The following MAP2 variants were observed in gnomAD, a reference collection of about 807,000 sequenced individuals.
The protein encoded by MAP2 is microtubule associated protein 2.
A neutral mutation model predicts 137.6 loss-of-function variants in MAP2; 14 were observed. The observed-to-expected ratio is 0.10, with a 90% confidence interval of 0.07 to 0.16. MAP2 has a LOEUF of 0.16. Among genes scored for constraint, MAP2 ranks in the 10% least tolerant of loss-of-function variants. MAP2 has a pLI of 1.00. For missense variants in MAP2, 2,088 were observed against 2,191.5 expected, an observed-to-expected ratio of 0.95 and a Z score of 0.94; for synonymous variants, 786 against 782.3, an observed-to-expected ratio of 1.00 and a Z score of -0.08.
In MAP2 at chr2:209,731,486, G is replaced by A. The variant is rs1209326557; in HGVS notation, c.*1089G>A. 5 of 152,510 alleles carry A rather than the reference G, an allele frequency of 3.3e-5. No individual in the cohort carries two copies. Among genetic ancestry groups the A allele is most frequent in the African/African-American group, 4.8e-5 (2 of 41,408 alleles). 9.4% of individuals were successfully genotyped at this position (152,510 alleles called of 1,614,324 possible). ...GCTTTCACCAACATGGAGTTTGTGGGGGTGGGTCCAGTTATACATGAAAGG... is the reference window on the plus strand; with the variant it reads ...GCTTTCACCAACATGGAGTTTGTGGAGGTGGGTCCAGTTATACATGAAAGG... On this transcript the variant is annotated 3_prime_UTR_variant, in exon 16 of 16. Coordinates refer to ENST00000682079, the MANE Select transcript of MAP2 (RefSeq NM_001375505.1).
chr2:209,679,362 G>C (rs900362670), intron 6 of MAP2, among the ~76,000 whole-genome samples: 9 of 150,428 alleles, frequency 6.0e-5, no homozygotes, highest in African/African-American at 2.0e-4. Context: ...TAGATAGATA[G>C]ATAGGCAGAT....
intron 2 of MAP2, among the ~76,000 whole-genome samples, chr2:209,539,815 G>A (rs2066591180): frequency 6.6e-6 from 1 of 151,456 alleles, no homozygotes; most frequent in Non-Finnish European, 1.5e-5. Flanking sequence ...AGTCACTTTC[G>A]TGCTGGCTGC....
Position 209,710,217 on chromosome 2 carries a change from C to T in MAP2, c.5036C>T (p.Ser1679Leu), listed in dbSNP as rs1299363012. 6.3e-7 allele frequency: 1 copy of T among 1,597,182 alleles called. No individual in the cohort carries two copies. The change falls in exon 13 of 16, where the codon TCA (serine) becomes TTA (leucine). Residue 1679 changes from serine to leucine, a missense_variant. By Grantham distance (145) the Ser-to-Leu change is moderately radical. This residue lies in a region of MAP2 where 112 missense variants were observed against 201.0 expected (regional missense o/e 0.56). Coordinates refer to ENST00000682079, the MANE Select transcript of MAP2 (RefSeq NM_001375505.1). Reference sequence around the variant, plus strand: ...AAGAATGTCAAATCCAAAATCGGATCAACAGACAACATCAAATACCAGCCT... The same window carrying T: ...AAGAATGTCAAATCCAAAATCGGATTAACAGACAACATCAAATACCAGCCT... ...DLKNVKSKIG[S>L]TDNIKYQPKG...
intron 13 of MAP2, among the ~76,000 whole-genome samples, chr2:209,717,772 C>G (rs61420319): frequency 0.12 from 18,132 of 152,138 alleles, 1,391 homozygotes; most frequent in East Asian, 0.23. Context: ...GACAAAAGGG[C>G]AATGGGAGAC....
chr2:209,492,507 T>A (rs537034805), intron 1 of MAP2, among the ~76,000 whole-genome samples: 11 of 152,288 alleles, frequency 7.2e-5, no homozygotes, highest in African/African-American at 2.6e-4. Flanking sequence ...ATTATCTCTG[T>A]TTGCAGATGA....
intron 3 of MAP2, among the ~76,000 whole-genome samples, chr2:209,617,312 G>A (rs2153508726): frequency 6.6e-6 from 1 of 152,206 alleles, no homozygotes; most frequent in East Asian, 1.9e-4. Context: ...GCAGAGTGAG[G>A]GGGTTATGGG....
chr2:209,475,229 G>T (rs1469344362), intron 1 of MAP2, among the ~76,000 whole-genome samples: 1 of 152,084 alleles, frequency 6.6e-6, no homozygotes, highest in Non-Finnish European at 1.5e-5. Flanking sequence ...GTCAGTGAAT[G>T]TAAAACCATC....
intron 1 of MAP2, among the ~76,000 whole-genome samples, chr2:209,491,415 A>G (rs2059097089): frequency 6.6e-6 from 1 of 152,178 alleles, no homozygotes; most frequent in African/African-American, 2.4e-5. Context: ...ACAAATTCAA[A>G]AGCTAGCAGA....
intron 3 of MAP2, among the ~76,000 whole-genome samples, chr2:209,586,002 C>T (rs1012289670): frequency 6.6e-6 from 1 of 152,100 alleles, no homozygotes; most frequent in African/African-American, 2.4e-5. Context: ...CAGAGAGTTG[C>T]ACATGTTTTT....
chr2:209,462,685 A>G (rs1177135764), intron 1 of MAP2, among the ~76,000 whole-genome samples: 1 of 152,178 alleles, frequency 6.6e-6, no homozygotes, highest in Non-Finnish European at 1.5e-5. Context: ...GCAATAATTA[A>G]CTATTAAACT....
intron 2 of MAP2, among the ~76,000 whole-genome samples, chr2:209,556,716 G>A (rs113437163): frequency 0.02 from 2,942 of 147,894 alleles, 96 homozygotes; most frequent in African/African-American, 0.069. Flanking sequence ...CAAAATGGAA[G>A]GAAATATCTT....
At chr2:209,707,229 T>A (rs2063719465) in intron 12 of MAP2, among the ~76,000 whole-genome samples, 2 of 152,180 alleles carry the variant, frequency 1.3e-5, no homozygotes, top group Non-Finnish European at 1.5e-5. Context: ...TATATATGAA[T>A]TGATTCATTA....
chr2:209,598,284 C>T (rs1040335641), intron 3 of MAP2, among the ~76,000 whole-genome samples: 3 of 152,096 alleles, frequency 2.0e-5, no homozygotes, highest in Non-Finnish European at 2.9e-5. Flanking sequence ...GTATTACAGG[C>T]ATGAGCCACC....
chr2:209,470,026 A>G (rs1415168361), intron 1 of MAP2, among the ~76,000 whole-genome samples: 1 of 152,252 alleles, frequency 6.6e-6, no homozygotes, highest in African/African-American at 2.4e-5. Context: ...CTGTAGGTCT[A>G]CATTCTCGAC....
chr2:209,475,113 A>T (rs1488024751), intron 1 of MAP2, among the ~76,000 whole-genome samples: 2 of 152,078 alleles, frequency 1.3e-5, no homozygotes, highest in African/African-American at 4.8e-5. Flanking sequence ...ATAGTTAGAT[A>T]TCTTTAAACA....
At chr2:209,432,151 T>A (rs1052884584) in intron 1 of MAP2, among the ~76,000 whole-genome samples, 3 of 152,194 alleles carry the variant, frequency 2.0e-5, no homozygotes, top group Non-Finnish European at 4.4e-5. Context: ...TTCTCATCTG[T>A]AATGCCATTA....
chr2:209,657,884 T>C (rs1254987022), intron 5 of MAP2, among the ~76,000 whole-genome samples: 1 of 152,240 alleles, frequency 6.6e-6, no homozygotes. Context: ...TTTTCTAGGA[T>C]TTTTATAGCT....
At chr2:209,476,300 C>T (rs1246690730) in intron 1 of MAP2, among the ~76,000 whole-genome samples, 1 of 151,902 alleles carries the variant, frequency 6.6e-6, no homozygotes, top group African/African-American at 2.4e-5. Context: ...TGGAATTAAA[C>T]ATCTCAGTAA....
intron 13 of MAP2, among the ~76,000 whole-genome samples, chr2:209,712,108 T>C (rs564868968): frequency 6.6e-6 from 1 of 152,270 alleles, no homozygotes; most frequent in South Asian, 2.1e-4. Context: ...GCAAAAAGAA[T>C]GGTTTTAGCC....
Sources: gnomAD v4.1 joint callset for allele counts (sites outside exome capture counted in the v4.1 genomes callset) on GRCh38, gnomAD v4.1.1 for gene constraint, gnomAD v4.1.1 regional missense constraint, MANE v1.5 for transcripts, NCBI Gene and HGNC (gene_info 2026-07-23, HGNC 2026-07-21) for gene names.